MACROD2: variants seen among roughly 807,000 people sequenced by gnomAD.
The protein encoded by MACROD2 is mono-ADP ribosylhydrolase 2.
Under a neutral mutation model 70.4 loss-of-function variants are expected in MACROD2, and 36 were observed. The observed-to-expected ratio is 0.51, with a 90% CI of 0.39 to 0.68. The LOEUF is 0.68. Among genes scored for constraint, MACROD2 ranks in the 30% least tolerant of loss-of-function variants. The pLI is 0.00. For missense variants in MACROD2, 496 were observed against 538.4 expected (o/e 0.92, Z 0.78); for synonymous variants, 172 against 178.8 (o/e 0.96, Z 0.30).
intron 8 of MACROD2, among the ~76,000 whole-genome samples, chr20:15,780,753 T>C (rs563835089): frequency 2.6e-5 from 4 of 152,140 alleles, no homozygotes; most frequent in South Asian, 4.2e-4. Flanking sequence ...GTGGTATCCA[T>C]AGAGAGAGAA....
intron 6 of MACROD2, among the ~76,000 whole-genome samples, chr20:15,346,242 A>AG (rs2078164988): frequency 6.6e-6 from 1 of 152,196 alleles, no homozygotes; most frequent in East Asian, 1.9e-4. Flanking sequence ...ATGAACCAAA[A>AG]GGTAGATATC....
At chr20:14,499,542 A>T (rs1238666039) in intron 4 of MACROD2, among the ~76,000 whole-genome samples, 1 of 152,008 alleles carries the variant, frequency 6.6e-6, no homozygotes, top group African/African-American at 2.4e-5. Context: ...CTTAAAAAAA[A>T]AATCCTGACT....
chr20:15,957,262 A>AC (rs1568666772), intron 12 of MACROD2, among the ~76,000 whole-genome samples: 11 of 152,124 alleles, frequency 7.2e-5, no homozygotes, highest in South Asian at 2.1e-4. Flanking sequence ...TGCACACTTA[A>AC]GAATTTTGTA....
intron 15 of MACROD2, among the ~76,000 whole-genome samples, chr20:16,027,144 T>C (rs1289197966): frequency 2.0e-5 from 3 of 152,192 alleles, no homozygotes; most frequent in Non-Finnish European, 4.4e-5. Context: ...CTATCATTTT[T>C]CTCTGAAGCT....
intron 8 of MACROD2, among the ~76,000 whole-genome samples, chr20:15,726,552 G>A (rs113794148): frequency 5.4e-4 from 82 of 152,204 alleles, no homozygotes; most frequent in African/African-American, 1.9e-3. Flanking sequence ...TATCAGCAGT[G>A]TATAAGCATT....
intron 11 of MACROD2, among the ~76,000 whole-genome samples, chr20:15,933,718 G>A (rs991441909): frequency 6.6e-6 from 1 of 152,196 alleles, no homozygotes; most frequent in African/African-American, 2.4e-5. Context: ...ATGAAGAAGA[G>A]GCTTGGCCTG....
In MACROD2 at chr20:15,231,066, A is replaced by G. The variant is rs532825682; in HGVS notation, c.540+1005A>G. Among the ~76,000 whole-genome samples, 3 of 152,166 alleles carry G rather than the reference A, an allele frequency of 2.0e-5. No individual in the cohort carries two copies. In the South Asian group the frequency reaches 6.2e-4, roughly 32 times the overall value. On this transcript the variant is annotated intron_variant, in intron 6 of 17. Transcript: ENST00000684519. ...AGCAGATACATTTAGGTAACCCTGG[A>G]TGGTTGTTATGCTTTTTGTGCATGA...
chr20:14,677,594 A>G (rs1238038866), intron 4 of MACROD2, among the ~76,000 whole-genome samples: 1 of 152,200 alleles, frequency 6.6e-6, no homozygotes, highest in Non-Finnish European at 1.5e-5. Flanking sequence ...CAGAAAGCCT[A>G]GCCTTTAGAA....
intron 8 of MACROD2, among the ~76,000 whole-genome samples, chr20:15,779,011 G>A (rs1226145665): frequency 6.6e-6 from 1 of 152,040 alleles, no homozygotes; most frequent in Non-Finnish European, 1.5e-5. Context: ...GAGAGGGATT[G>A]GAGAGGAGTG....
intron 4 of MACROD2, chr20:14,547,240 G>T: frequency 1.7e-6 from 1 of 585,330 alleles, no homozygotes; most frequent in South Asian, 5.3e-5. Context: ...CATGCAGGAG[G>T]GACACGTGAA....
intron 5 of MACROD2, among the ~76,000 whole-genome samples, chr20:15,006,258 A>G (rs540340148): frequency 6.6e-6 from 1 of 152,060 alleles, no homozygotes; most frequent in Non-Finnish European, 1.5e-5. Flanking sequence ...AGCCAGACAA[A>G]GAAAAATAGA....
chr20:15,300,984 G>C (rs573169224), intron 6 of MACROD2, among the ~76,000 whole-genome samples: 1 of 152,180 alleles, frequency 6.6e-6, no homozygotes, highest in Non-Finnish European at 1.5e-5. Context: ...GCTATGAAGT[G>C]GGGAGGTCCT....
At chr20:15,130,967 A>C (rs185412220) in intron 5 of MACROD2, among the ~76,000 whole-genome samples, 110 of 152,196 alleles carry the variant, frequency 7.2e-4, no homozygotes, top group African/African-American at 2.6e-3. Flanking sequence ...AAAACCAGAG[A>C]GGAGATGGCA....
chr20:14,160,319 TG>T (rs1446882968), intron 3 of MACROD2, among the ~76,000 whole-genome samples: 1 of 152,224 alleles, frequency 6.6e-6, no homozygotes. Flanking sequence ...TTTGGAAGTT[TG>T]GTAGAATTCG....
chr20:15,979,238 G>A (rs938185957), intron 13 of MACROD2, among the ~76,000 whole-genome samples: 1 of 152,196 alleles, frequency 6.6e-6, no homozygotes, highest in Non-Finnish European at 1.5e-5. Context: ...CTTAGCCCGG[G>A]TTGGCTGTGT....
Position 14,815,750 on chromosome 20 carries a change from T to C in MACROD2, c.418+130791T>C, listed in dbSNP as rs562032353. On this transcript the variant is annotated intron_variant, in intron 5 of 17. Transcript: ENST00000684519. ...ATTCTACAAGTTAGTAAATAAAATA[T>C]CTAACATAGTAACATTTTTTGTTTT... 1.0e-3 allele frequency among the ~76,000 whole-genome samples: 154 copies of C among 152,168 alleles called. 1 individual carries two copies. Among genetic ancestry groups the C allele is most frequent in the Non-Finnish European group, 1.9e-3 (129 of 67,970 alleles).
intron 5 of MACROD2, among the ~76,000 whole-genome samples, chr20:14,960,897 T>G (rs573129307): frequency 4.6e-5 from 7 of 152,152 alleles, no homozygotes; most frequent in Non-Finnish European, 8.8e-5. Context: ...GAACAGCGAT[T>G]AAAATATATA....
intron 8 of MACROD2, among the ~76,000 whole-genome samples, chr20:15,645,419 A>G (rs1403209921): frequency 1.3e-5 from 2 of 152,202 alleles, no homozygotes; most frequent in African/African-American, 4.8e-5. Flanking sequence ...AGGAACTCTG[A>G]GGTAGTGAGA....
chr20:15,251,777 T>C (rs1214358892), intron 6 of MACROD2, among the ~76,000 whole-genome samples: 4 of 152,196 alleles, frequency 2.6e-5, no homozygotes, highest in Admixed American at 6.5e-5. Context: ...CTTAATCAAG[T>C]TACTATTTTA....
Sources: gnomAD v4.1 joint callset for allele counts (sites outside exome capture counted in the v4.1 genomes callset) on GRCh38, gnomAD v4.1.1 for gene constraint, MANE v1.5 for transcripts, NCBI Gene and HGNC (gene_info 2026-07-23, HGNC 2026-07-21) for gene names.